The following GPHN variants were observed in gnomAD, a reference collection of about 807,000 sequenced individuals.
GPHN encodes the protein gephyrin.
GPHN carries 17 observed loss-of-function variants against 95.5 expected under a neutral mutation model. The observed-to-expected ratio is 0.18, with a 90% confidence interval of 0.12 to 0.27. The LOEUF (loss-of-function observed/expected upper bound fraction) is 0.27. GPHN is among the 10% of genes least tolerant of loss of function. The pLI, the probability that GPHN is intolerant of heterozygous loss-of-function variation, is 1.00. For synonymous variants in GPHN, 320 were observed against 322.5 expected (o/e 0.99, Z 0.08); for missense variants, 660 against 978.1 (o/e 0.67, Z 4.34).
At chr14:67,351,520 AT>A in the GPHN span, among the ~76,000 whole-genome samples, 1 of 152,148 alleles carries the variant, frequency 6.6e-6, no homozygotes, top group Non-Finnish European at 1.5e-5. Flanking sequence ...TATTATTTTT[AT>A]TTTTTGAGAC....
intron 3 of GPHN, among the ~76,000 whole-genome samples, chr14:66,824,174 G>T (rs1048840011): frequency 6.6e-6 from 1 of 152,128 alleles, no homozygotes; most frequent in Admixed American, 6.5e-5. Flanking sequence ...TGGCTGAAAA[G>T]AACTTCAGAT....
Position 66,567,846 on chromosome 14 carries a change from A to G in GPHN, c.64+59255A>G, listed in dbSNP as rs1280409213. Among the ~76,000 whole-genome samples the G allele has an allele frequency of 2.0e-5, 3 of 152,150 alleles. No homozygotes were observed. In the East Asian group the frequency reaches 5.8e-4, roughly 29 times the overall value. On this transcript the variant is annotated intron_variant, in intron 1 of 22. Coordinates refer to ENST00000478722, the MANE Select transcript of GPHN (RefSeq NM_020806.5). ...GTTTTTTTGAGTATATTGTGGGTAT[A>G]CTTATGTACCAAGTGCTGCAAGATC...
chr14:67,573,203 A>T, the GPHN span: 5 of 907,052 alleles, frequency 5.5e-6, no homozygotes, highest in Non-Finnish European at 7.3e-6. This position sits in a 1 kb window ranked among gnomAD's most constrained non-coding sequence, Gnocchi z 4.8. Flanking sequence ...CAGCTGGACC[A>T]CTTGGACCTG....
intron 1 of GPHN, among the ~76,000 whole-genome samples, chr14:66,607,652 GT>G (rs943126337): frequency 1.3e-5 from 2 of 151,616 alleles, no homozygotes; most frequent in African/African-American, 4.8e-5. Flanking sequence ...TTGTTGGTAG[GT>G]TTTTAATTAC....
intron 18 of GPHN, among the ~76,000 whole-genome samples, chr14:67,158,379 A>C (rs2081748485): frequency 6.6e-6 from 1 of 151,782 alleles, no homozygotes; most frequent in South Asian, 2.1e-4. Flanking sequence ...TAGTCACTTG[A>C]TCAAATTTAT....
At chr14:67,573,386 G>A in the GPHN span, 25 of 1,563,862 alleles carry the variant, frequency 1.6e-5, no homozygotes, top group South Asian at 1.7e-4. The surrounding 1 kb of genome is among the most constrained non-coding windows in gnomAD (Gnocchi z 4.8). Flanking sequence ...ACAAGTCCCC[G>A]GTGAGAGTCT....
chr14:67,278,038 CTTT>C, the GPHN span, among the ~76,000 whole-genome samples: 4 of 138,762 alleles, frequency 2.9e-5, no homozygotes, highest in Admixed American at 1.5e-4. Context: ...AACCCCAATT[CTTT>C]TTTTTTTTTT....
intron 9 of GPHN, among the ~76,000 whole-genome samples, chr14:67,019,808 T>C (rs1204878919): frequency 6.6e-6 from 1 of 152,174 alleles, no homozygotes; most frequent in Admixed American, 6.5e-5. Flanking sequence ...TCGTAGCTAC[T>C]GCAGCATTGA....
chr14:67,585,491 C>G, the GPHN span: 1 of 988,364 alleles, frequency 1.0e-6, no homozygotes, highest in South Asian at 1.5e-5. Context: ...CTGGATGTGC[C>G]TTCTTTCTCA....
the GPHN span, among the ~76,000 whole-genome samples, chr14:67,425,381 T>G: frequency 6.6e-6 from 1 of 152,022 alleles, no homozygotes; most frequent in Admixed American, 6.6e-5. Context: ...TGAAACTCCA[T>G]CTCTACAAAA....
the GPHN span, among the ~76,000 whole-genome samples, chr14:67,235,743 T>C: frequency 6.6e-6 from 1 of 152,086 alleles, no homozygotes; most frequent in Non-Finnish European, 1.5e-5. Flanking sequence ...ATAGACCCTA[T>C]TTTATTTCTT....
chr14:67,561,903 T>G, the GPHN span: 2 of 1,202,546 alleles, frequency 1.7e-6, no homozygotes, highest in Non-Finnish European at 2.5e-6. Context: ...AAAAAATACA[T>G]CTAAACCTGT....
At chr14:66,781,791 T>A (rs2059617735) in intron 3 of GPHN, among the ~76,000 whole-genome samples, 1 of 152,200 alleles carries the variant, frequency 6.6e-6, no homozygotes, top group African/African-American at 2.4e-5. Context: ...AATATTTAGC[T>A]TGTTTCCATT....
chr14:67,444,533 C>T, the GPHN span, among the ~76,000 whole-genome samples: 6 of 152,140 alleles, frequency 3.9e-5, no homozygotes, highest in Admixed American at 3.9e-4. Context: ...TCATAAGACC[C>T]TTGGAATTTC....
the GPHN span, among the ~76,000 whole-genome samples, chr14:67,704,984 G>C: frequency 2.6e-5 from 4 of 152,198 alleles, no homozygotes; most frequent in Non-Finnish European, 5.9e-5. Flanking sequence ...AGCAGGTCTA[G>C]GTAGTCCAGG....
chr14:66,515,909 A>G (rs1445996903), intron 1 of GPHN, among the ~76,000 whole-genome samples: 1 of 152,198 alleles, frequency 6.6e-6, no homozygotes, highest in African/African-American at 2.4e-5. Context: ...TTCATGCTTC[A>G]TTTATGTTTC....
the GPHN span, among the ~76,000 whole-genome samples, chr14:67,606,120 T>C: frequency 6.6e-6 from 1 of 152,244 alleles, no homozygotes; most frequent in Non-Finnish European, 1.5e-5. Flanking sequence ...ACTGTCACCC[T>C]GTTGTTCTCA....
intron 2 of GPHN, among the ~76,000 whole-genome samples, chr14:66,771,822 G>C (rs1456423977): frequency 6.8e-6 from 1 of 146,778 alleles, no homozygotes; most frequent in Admixed American, 7.1e-5. Flanking sequence ...GAGAATATGC[G>C]GTGTTTGGTT....
intron 9 of GPHN, among the ~76,000 whole-genome samples, chr14:67,004,333 T>G (rs1219291283): frequency 6.6e-6 from 1 of 151,792 alleles, no homozygotes; most frequent in Non-Finnish European, 1.5e-5. Flanking sequence ...TCAGTTTTGC[T>G]GAAACTACCA....
Sources: allele counts gnomAD v4.1 joint callset (sites outside exome capture counted in the v4.1 genomes callset), GRCh38; gene constraint gnomAD v4.1.1; non-coding constraint Gnocchi (gnomAD v3.1); transcripts MANE v1.5; gene names NCBI Gene and HGNC (gene_info 2026-07-23, HGNC 2026-07-21).